The following MALRD1 variants were observed in gnomAD, a reference collection of about 807,000 sequenced individuals.
MALRD1 encodes MAM and LDL-receptor class A domain-containing protein 1.
Under a neutral mutation model 242.1 loss-of-function variants are expected in MALRD1, and 247 were observed. The ratio of observed to expected loss-of-function variants is 1.02; its 90% CI spans 0.92 to 1.13. MALRD1 has a LOEUF of 1.13. Ranked by LOEUF, MALRD1 falls within the 50% of genes most tolerant of loss-of-function variation. MALRD1 has a pLI of 0.00. For synonymous variants in MALRD1, 995 were observed against 866.6 expected, an observed-to-expected ratio of 1.15 and a Z score of -2.60; for missense variants, 2,989 against 2,533.1, an observed-to-expected ratio of 1.18 and a Z score of -3.86.
Position 19,182,991 on chromosome 10 carries a change from G to T in MALRD1, c.1951+7663G>T, listed in dbSNP as rs1027142889. ...TATAGTGCTTTTCGGGGACTTAAAA[G>T]ATAATTTTTTAGACATAAAAGGAAA... On this transcript the variant is annotated intron_variant, in intron 14 of 39. Coordinates refer to ENST00000454679, the MANE Select transcript of MALRD1 (RefSeq NM_001142308.3). Among the ~76,000 whole-genome samples, 5 of 150,568 alleles carry T rather than the reference G, an allele frequency of 3.3e-5. No individual in the cohort carries two copies. The South Asian group carries it at 1.0e-3, about 31-fold the overall frequency.
intron 15 of MALRD1, 78 bp from the exon 16 acceptor site, chr10:19,204,230 T>C (rs901082693): frequency 2.2e-5 from 20 of 901,560 alleles, no homozygotes; most frequent in Non-Finnish European, 2.9e-5. Context: ...TTGCTCAGTG[T>C]AGGGTTAAGA....
intron 19 of MALRD1, among the ~76,000 whole-genome samples, chr10:19,274,310 C>T (rs895835888): frequency 4.6e-5 from 7 of 152,082 alleles, no homozygotes; most frequent in African/African-American, 1.4e-4. Context: ...GAAGGAAATC[C>T]CATCACATGC....
At chr10:19,315,111 A>T (rs1001872476) in intron 21 of MALRD1, among the ~76,000 whole-genome samples, 86 of 139,758 alleles carry the variant, frequency 6.2e-4, no homozygotes, top group African/African-American at 1.9e-3. Flanking sequence ...ATTTATAGAA[A>T]TATGTAAATA....
Position 19,204,329 on chromosome 10 carries a change from A to G in MALRD1, c.2126A>G (p.Lys709Arg), listed in dbSNP as rs1465479843. ...ASQGHFMFIL[K>R]KSSSLWQVAK... ...ACAGGGCATTTTATGTTCATTCTGAAGAAAAGCAGCAGCTTGTGGCAAGTT... is the reference window on the plus strand; with the variant it reads ...ACAGGGCATTTTATGTTCATTCTGAGGAAAAGCAGCAGCTTGTGGCAAGTT... Residue 709 changes from lysine (K) to arginine (R), a missense_variant, in exon 16 of 40, where the codon AAG becomes AGG. By Grantham distance (26) the Lys-to-Arg change is conservative. Transcript: ENST00000454679. 5.2e-6 allele frequency: 8 copies of G among 1,545,868 alleles called. No individual in the cohort carries two copies. The highest frequency in any genetic ancestry group is 7.0e-6 in the Non-Finnish European group (8 of 1,145,426).
At chr10:19,662,476 A>G (rs1405840684) in intron 36 of MALRD1, among the ~76,000 whole-genome samples, 3 of 152,148 alleles carry the variant, frequency 2.0e-5, no homozygotes, top group Non-Finnish European at 2.9e-5. Context: ...TTTCGAGTTT[A>G]ATATACCGTC....
chr10:19,579,240 G>T (rs960565875), intron 33 of MALRD1, among the ~76,000 whole-genome samples: 4 of 152,096 alleles, frequency 2.6e-5, no homozygotes, highest in African/African-American at 9.7e-5. Flanking sequence ...GTCTCTAATA[G>T]ACAATTGTAG....
At chr10:19,604,739 T>G (rs1838525619) in intron 34 of MALRD1, among the ~76,000 whole-genome samples, 1 of 152,170 alleles carries the variant, frequency 6.6e-6, no homozygotes, top group Non-Finnish European at 1.5e-5. Flanking sequence ...AACTAAAAAC[T>G]AAATATTTTC....
intron 14 of MALRD1, among the ~76,000 whole-genome samples, chr10:19,182,357 G>T (rs1365124449): frequency 8.3e-6 from 1 of 120,148 alleles, no homozygotes. Flanking sequence ...TTGAGACGGA[G>T]TCTGTTGCCC....
At chr10:19,388,958 A>G (rs1846212240) in intron 27 of MALRD1, among the ~76,000 whole-genome samples, 1 of 151,948 alleles carries the variant, frequency 6.6e-6, no homozygotes, top group Non-Finnish European at 1.5e-5. Flanking sequence ...ACTCAGCTCT[A>G]CATACATGAA....
intron 34 of MALRD1, among the ~76,000 whole-genome samples, chr10:19,606,832 C>T (rs1404639911): frequency 6.6e-6 from 1 of 152,086 alleles, no homozygotes; most frequent in Non-Finnish European, 1.5e-5. Flanking sequence ...GAGAAGTTCC[C>T]ATTTAACTCT....
chr10:19,321,461 A>G (rs1842912616), intron 21 of MALRD1, among the ~76,000 whole-genome samples: 1 of 152,090 alleles, frequency 6.6e-6, no homozygotes, highest in Non-Finnish European at 1.5e-5. Flanking sequence ...GCCATATTAA[A>G]TATATATTTT....
chr10:19,489,849 G>T (rs371443907), intron 29 of MALRD1, among the ~76,000 whole-genome samples: 1 of 152,264 alleles, frequency 6.6e-6, no homozygotes, highest in African/African-American at 2.4e-5. Flanking sequence ...CTTGATCGTG[G>T]CTCTGCTGTC....
intron 36 of MALRD1, among the ~76,000 whole-genome samples, chr10:19,634,160 T>C (rs1440503138): frequency 2.0e-5 from 3 of 151,980 alleles, no homozygotes; most frequent in African/African-American, 7.2e-5. Flanking sequence ...CTTCTTAAAA[T>C]ACCTGCCAGG....
intron 18 of MALRD1, among the ~76,000 whole-genome samples, chr10:19,231,841 TG>T (rs35201712): frequency 0.18 from 27,614 of 150,536 alleles, 2,611 homozygotes; most frequent in East Asian, 0.34. Flanking sequence ...TTTCTGTTTT[TG>T]TTTTTTTTCT....
Position 19,175,238 on chromosome 10 carries a change from A to C in MALRD1, c.1861A>C (p.Asn621His). 8.1e-7 allele frequency: 1 copy of C among 1,230,340 alleles called. No homozygotes were observed. Among genetic ancestry groups the C allele is most frequent in the Non-Finnish European group, 1.0e-6 (1 of 987,094 alleles). 76.2% of individuals were successfully genotyped at this position (1,230,340 alleles called of 1,614,324 possible). The part of the protein sequence containing the change: ...LILEATVLSS[N>H]ATVALDDISV... ...TTTGGAAGCTACTGTTTTGTCGTCA[A>C]ATGCTACCGTTGCTCTAGATGACAT... is the stretch of plus-strand genomic sequence containing the variant. The change falls in exon 14 of 40, where the codon AAT becomes CAT. Residue 621 changes from asparagine to histidine, a missense_variant. Coordinates refer to ENST00000454679, the MANE Select transcript of MALRD1 (RefSeq NM_001142308.3).
intron 18 of MALRD1, among the ~76,000 whole-genome samples, chr10:19,233,273 G>A (rs1486029324): frequency 6.6e-6 from 1 of 152,140 alleles, no homozygotes; most frequent in Non-Finnish European, 1.5e-5. Flanking sequence ...AGGCCGAGGT[G>A]GGCGGATCGC....
rs1837340136 is a variant in MALRD1 at position 19,128,156 on chromosome 10, G to C, written c.944-65G>C. On this transcript the variant is annotated intron_variant, in intron 7 of 39. Coordinates refer to ENST00000454679, the MANE Select transcript of MALRD1 (RefSeq NM_001142308.3). ...TTTTGAAAACTTCAGAAATGTAATA[G>C]TTTTAGTCAGACAGAAAGAAGCTAA... 8.8e-6 allele frequency: 10 copies of C among 1,134,686 alleles called. No individual in the cohort carries two copies. In the Admixed American group the frequency reaches 1.3e-4, roughly 14 times the overall value. 70.3% of individuals were successfully genotyped at this position (1,134,686 alleles called of 1,614,324 possible). A position where few individuals can be genotyped will look rare whatever the true frequency, so the allele number is the denominator to read the frequency against.
chr10:19,271,980 C>T, intron 19 of MALRD1, among the ~76,000 whole-genome samples: 1 of 152,030 alleles, frequency 6.6e-6, no homozygotes, highest in East Asian at 1.9e-4. Context: ...ATTGACATTT[C>T]ATTTTATTCA....
chr10:19,146,482 C>A, intron 11 of MALRD1, 138 bp downstream of exon 11: 1 of 700,196 alleles, frequency 1.4e-6, no homozygotes, highest in Non-Finnish European at 2.0e-6. Context: ...ACCTCCTGAC[C>A]AAGTTAATAA....
Sources: allele counts gnomAD v4.1 joint callset (sites outside exome capture counted in the v4.1 genomes callset), GRCh38; gene constraint gnomAD v4.1.1; transcripts MANE v1.5; gene names NCBI Gene and HGNC (gene_info 2026-07-23, HGNC 2026-07-21).